RASSF10: variants seen among roughly 807,000 people sequenced by gnomAD.
RASSF10 encodes the protein Ras association domain family member 10, also known as ras association domain-containing protein 10.
RASSF10 carries 22 observed loss-of-function variants against 41.5 expected under a neutral mutation model. That is an observed-to-expected ratio of 0.53 (90% CI 0.38 to 0.76). The LOEUF is 0.76. RASSF10 is among the 30% of genes least tolerant of loss of function. The probability of loss-of-function intolerance (pLI) is 0.00; values close to 1 mark genes in which losing one functional copy is unlikely to be tolerated. For synonymous variants in RASSF10, 364 were observed against 319.0 expected (o/e 1.14, Z -1.50); for missense variants, 776 against 711.8 (o/e 1.09, Z -1.03).
chr11:13,011,037 G>C lies in RASSF10; in HGVS notation c.1461G>C (p.Thr487=). Residue 487 remains threonine (T), a synonymous_variant, in exon 1 of 1, where the codon ACG becomes ACC. Transcript: ENST00000529419. ...SGPGNDEDSD[T]GLSSMHSQDS... is the part of the protein sequence containing the mutation. ...CTGGCAACGACGAAGACTCGGATACGGGACTGAGCTCTATGCATAGCCAAG... is the reference window on the plus strand; with the variant it reads ...CTGGCAACGACGAAGACTCGGATACCGGACTGAGCTCTATGCATAGCCAAG... The C allele has an allele frequency of 6.2e-7, 1 of 1,610,964 alleles. No individual in the cohort carries two copies. The highest frequency in any genetic ancestry group is 1.1e-5 in the South Asian group (1 of 90,994).
At position 13,010,480 on chromosome 11, in the gene RASSF10, G is replaced by C; in HGVS notation, c.904G>C (p.Glu302Gln). The C allele has an allele frequency of 6.6e-7, 1 of 1,521,378 alleles. No homozygotes were observed. Among genetic ancestry groups the C allele is most frequent in the Non-Finnish European group, 8.8e-7 (1 of 1,133,596 alleles). 94.2% of individuals were successfully genotyped at this position (1,521,378 alleles called of 1,614,324 possible). ...EEPEEVAAEA[E>Q]EAAAAPPLAG... ...GCCAGAAGAGGTGGCGGCGGAGGCGGAGGAGGCGGCGGCGGCGCCCCCTCT... is the reference window on the plus strand; with the variant it reads ...GCCAGAAGAGGTGGCGGCGGAGGCGCAGGAGGCGGCGGCGGCGCCCCCTCT... Residue 302 changes from glutamate (E) to glutamine (Q), a missense_variant, in exon 1 of 1, where the codon GAG becomes CAG. Glu to Gln is a conservative substitution (Grantham distance 29, BLOSUM62 2). Transcript: ENST00000529419. This position sits in a 1 kb window ranked among gnomAD's most constrained non-coding sequence, Gnocchi z 4.8.
chr11:13,010,181 C>T lies in RASSF10; in HGVS notation c.605C>T (p.Thr202Ile), dbSNP rs1271869352. 1 of 1,592,940 alleles carries T rather than the reference C, an allele frequency of 6.3e-7. No homozygotes were observed. The highest frequency in any genetic ancestry group is 8.5e-7 in the Non-Finnish European group (1 of 1,171,474). ...CAGACACCGTCGTCCTGTTCGTCCA[C>T]TTCGTCGTCCACTGCCTCGTCCTGC... ...QQQTPSSCSS[T>I]SSSTASSCSS... is the part of the protein sequence containing the mutation. The change falls in exon 1 of 1, where the codon ACT (threonine) becomes ATT (isoleucine). Residue 202 changes from threonine (T) to isoleucine (I), a missense_variant. Physicochemically the swap from Thr to Ile is moderately conservative, Grantham distance 89. Coordinates refer to ENST00000529419, the MANE Select transcript of RASSF10 (RefSeq NM_001080521.3). The surrounding 1 kb of genome is among the most constrained non-coding windows in gnomAD (Gnocchi z 4.8).
rs1432944171 is a variant in RASSF10, at chr11:13,011,077, C to T, written c.1501C>T (p.Pro501Ser). 1 of 1,562,990 alleles carries T rather than the reference C, an allele frequency of 6.4e-7. No individual in the cohort carries two copies. Among genetic ancestry groups the T allele is most frequent in the Admixed American group, 1.8e-5 (1 of 55,536 alleles). Reference sequence around the variant, plus strand: ...GCATAGCCAAGACTCGGACTCCTTGCCCATGTGCGAATCCCTTGTGTAGGG... The same window carrying T: ...GCATAGCCAAGACTCGGACTCCTTGTCCATGTGCGAATCCCTTGTGTAGGG... ...SMHSQDSDSL[P>S]MCESLV Residue 501 changes from proline (P) to serine (S), a missense_variant, in exon 1 of 1, where the codon CCC (proline) becomes TCC (serine). Coordinates refer to ENST00000529419, the MANE Select transcript of RASSF10 (RefSeq NM_001080521.3).
Position 13,010,501 on chromosome 11 carries a change from C to T in RASSF10, c.925C>T (p.Pro309Ser), listed in dbSNP as rs763945544. 3.0e-5 allele frequency: 45 copies of T among 1,516,130 alleles called. No homozygotes were observed. The highest frequency in any genetic ancestry group is 3.7e-5 in the Non-Finnish European group (42 of 1,131,664). 93.9% of individuals were successfully genotyped at this position (1,516,130 alleles called of 1,614,324 possible). The change falls in exon 1 of 1, where the codon CCT becomes TCT. Residue 309 changes from proline (P) to serine (S), a missense_variant. Pro to Ser is a moderately conservative substitution (Grantham distance 74). Coordinates refer to ENST00000529419, the MANE Select transcript of RASSF10 (RefSeq NM_001080521.3). This position sits in a 1 kb window ranked among gnomAD's most constrained non-coding sequence, Gnocchi z 4.8. ...GGCGGAGGAGGCGGCGGCGGCGCCC[C>T]CTCTAGCCGGCGAGGCGCAGGCGGC... ...AEAEEAAAAP[P>S]LAGEAQAAAL...
chr11:13,009,328 G>C lies in RASSF10; in HGVS notation c.-249G>C. On this transcript the variant is annotated 5_prime_UTR_variant, in exon 1 of 1. Coordinates refer to ENST00000529419, the MANE Select transcript of RASSF10 (RefSeq NM_001080521.3). ...GGGCACCTTGGGCAGAGCCAGAGCG[G>C]CGGGAGCCGGTCCTGGGCGCGTTGC... 1.1e-6 allele frequency: 1 copy of C among 871,066 alleles called. No homozygotes were observed. Among genetic ancestry groups the C allele is most frequent in the Non-Finnish European group, 1.9e-6 (1 of 536,734 alleles). 54.0% of individuals were successfully genotyped at this position (871,066 alleles called of 1,614,324 possible). A position where few individuals can be genotyped will look rare whatever the true frequency, so the allele number is the denominator to read the frequency against.
rs572461023 is a variant in RASSF10, at chr11:13,010,013, G to C, written c.437G>C (p.Arg146Pro). Reference sequence around the variant, plus strand: ...GCCGGCCCCCGCAGCGCCGAGGCGCGCGTAGTGCTGAGCCGAGAGCGCCCC... The same window carrying C: ...GCCGGCCCCCGCAGCGCCGAGGCGCCCGTAGTGCTGAGCCGAGAGCGCCCC... ...PNAGPRSAEA[R>P]VVLSRERPCP... Residue 146 changes from arginine (R) to proline (P), a missense_variant, in exon 1 of 1, where the codon CGC (arginine) becomes CCC (proline). Physicochemically the swap from Arg to Pro is moderately radical, Grantham distance 103. Coordinates refer to ENST00000529419, the MANE Select transcript of RASSF10 (RefSeq NM_001080521.3). The surrounding 1 kb of genome is among the most constrained non-coding windows in gnomAD (Gnocchi z 4.8). The C allele has an allele frequency of 3.1e-5, 48 of 1,543,516 alleles. No individual in the cohort carries two copies. The highest frequency in any genetic ancestry group is 4.0e-5 in the Non-Finnish European group (46 of 1,142,968).
rs751663369 is a variant in RASSF10, at chr11:13,009,561, G to C, written c.-16G>C. On this transcript the variant is annotated 5_prime_UTR_variant, in exon 1 of 1. Coordinates refer to ENST00000529419, the MANE Select transcript of RASSF10 (RefSeq NM_001080521.3). Reference sequence around the variant, plus strand: ...CAGACCCCGGCCGGACCTGCCACCTGCGCCCTGGTTGCGCCATGGATCCTT... The same window carrying C: ...CAGACCCCGGCCGGACCTGCCACCTCCGCCCTGGTTGCGCCATGGATCCTT... 1.2e-6 allele frequency: 2 copies of C among 1,601,320 alleles called. No individual in the cohort carries two copies. Among genetic ancestry groups the C allele is most frequent in the African/African-American group, 1.3e-5 (1 of 74,572 alleles).
rs1165471241 is a variant in RASSF10 at position 13,011,576 on chromosome 11, G to A, written c.*476G>A. 1 of 153,724 alleles carries A rather than the reference G, an allele frequency of 6.5e-6. No homozygotes were observed. The highest frequency in any genetic ancestry group is 2.4e-5 in the African/African-American group (1 of 41,466). The allele number at this position is 153,724 out of a possible 1,614,324, so 9.5% of individuals were successfully genotyped here. A position where few individuals can be genotyped will look rare whatever the true frequency, so the allele number is the denominator to read the frequency against. On this transcript the variant is annotated 3_prime_UTR_variant, in exon 1 of 1. Coordinates refer to ENST00000529419, the MANE Select transcript of RASSF10 (RefSeq NM_001080521.3). ...AAACGTGTTAAAACTAGCCAAAGAGGACGCACTGGTGTCGGTCTCTGCCTT... is the reference window on the plus strand; with the variant it reads ...AAACGTGTTAAAACTAGCCAAAGAGAACGCACTGGTGTCGGTCTCTGCCTT...
At position 13,011,210 on chromosome 11, in the gene RASSF10, G is replaced by A; in HGVS notation, c.*110G>A. On this transcript the variant is annotated 3_prime_UTR_variant, in exon 1 of 1. Transcript: ENST00000529419. The stretch of plus-strand genomic sequence containing the variant: ...GAAACCAGGCTGTTGCGAGCCCAGA[G>A]CTCCGGCTGGGCAGCAGCGCTCTGC... 2.2e-6 allele frequency: 2 copies of A among 895,434 alleles called. No homozygotes were observed. Among genetic ancestry groups the A allele is most frequent in the South Asian group, 3.5e-5 (2 of 56,634 alleles). The allele number at this position is 895,434 out of a possible 1,614,324, so 55.5% of individuals were successfully genotyped here.
chr11:13,009,951 C>T lies in RASSF10; in HGVS notation c.375C>T (p.Arg125=). The change falls in exon 1 of 1, where the codon CGC becomes CGT. Residue 125 remains arginine, a synonymous_variant. Coordinates refer to ENST00000529419, the MANE Select transcript of RASSF10 (RefSeq NM_001080521.3). ...AAWGEEQENV[R]FVLVRSEASL... is the part of the protein sequence containing the mutation. Reference sequence around the variant, plus strand: ...GGGGCGAAGAGCAAGAGAATGTGCGCTTCGTGCTAGTGCGCAGCGAGGCAT... The same window carrying T: ...GGGGCGAAGAGCAAGAGAATGTGCGTTTCGTGCTAGTGCGCAGCGAGGCAT... 6.3e-7 allele frequency: 1 copy of T among 1,580,224 alleles called. No homozygotes were observed. The highest frequency in any genetic ancestry group is 8.6e-7 in the Non-Finnish European group (1 of 1,162,458).
rs1301653721 is a variant in RASSF10 at position 13,009,754 on chromosome 11, G to C, written c.178G>C (p.Gly60Arg). The stretch of plus-strand genomic sequence containing the variant: ...GCTGGGGTCGGCCGGCGACCCGCAT[G>C]GCCCGGGAGAGCTGCCCGAACCCCC... ...RRLGSAGDPH[G>R]PGELPEPPNE... The change falls in exon 1 of 1, where the codon GGC becomes CGC. Residue 60 changes from glycine (G) to arginine (R), a missense_variant. By Grantham distance (125) the Gly-to-Arg change is moderately radical (BLOSUM62 -2). Coordinates refer to ENST00000529419, the MANE Select transcript of RASSF10 (RefSeq NM_001080521.3). 1 of 1,591,998 alleles carries C rather than the reference G, an allele frequency of 6.3e-7. No individual in the cohort carries two copies. The highest frequency in any genetic ancestry group is 1.3e-5 in the African/African-American group (1 of 74,466).
Position 13,010,027 on chromosome 11 carries a change from C to G in RASSF10, c.451C>G (p.Arg151Gly), listed in dbSNP as rs1565016810. ...RSAEARVVLSRERPCPARGAP... is the reference protein window; with the variant it reads ...RSAEARVVLSGERPCPARGAP... ...CGCCGAGGCGCGCGTAGTGCTGAGC[C>G]GAGAGCGCCCCTGTCCGGCCCGCGG... Residue 151 changes from arginine (R) to glycine (G), a missense_variant, in exon 1 of 1, where the codon CGA becomes GGA. Transcript: ENST00000529419. The surrounding 1 kb of genome is among the most constrained non-coding windows in gnomAD (Gnocchi z 4.8). The G allele has an allele frequency of 1.9e-6, 3 of 1,544,596 alleles. No homozygotes were observed. The highest frequency in any genetic ancestry group is 2.6e-6 in the Non-Finnish European group (3 of 1,143,742).
In RASSF10 at chr11:13,011,019, C is replaced by T. The variant is rs1432685486; in HGVS notation, c.1443C>T (p.Asn481=). 2 of 1,612,112 alleles carry T rather than the reference C, an allele frequency of 1.2e-6. No homozygotes were observed. The highest frequency in any genetic ancestry group is 2.7e-5 in the African/African-American group (2 of 74,350). The change falls in exon 1 of 1, where the codon AAC becomes AAT. Residue 481 remains asparagine, a synonymous_variant. Transcript: ENST00000529419. ...GACTGGCCAAGAGCGGTCCTGGCAA[C>T]GACGAAGACTCGGATACGGGACTGA... ...ARGLAKSGPG[N]DEDSDTGLSS...
chr11:13,011,195 T>A lies in RASSF10; in HGVS notation c.*95T>A. On this transcript the variant is annotated 3_prime_UTR_variant, in exon 1 of 1. Coordinates refer to ENST00000529419, the MANE Select transcript of RASSF10 (RefSeq NM_001080521.3). The stretch of plus-strand genomic sequence containing the variant: ...CCGGCTCGCGGACTTGAAACCAGGC[T>A]GTTGCGAGCCCAGAGCTCCGGCTGG... 9.6e-7 allele frequency: 1 copy of A among 1,045,856 alleles called. No homozygotes were observed. The highest frequency in any genetic ancestry group is 1.4e-6 in the Non-Finnish European group (1 of 737,758). The allele number at this position is 1,045,856 out of a possible 1,614,324, so 64.8% of individuals were successfully genotyped here.
At position 13,009,962 on chromosome 11, in the gene RASSF10, T is replaced by C. The variant is rs371219653; in HGVS notation, c.386T>C (p.Val129Ala). The C allele has an allele frequency of 6.4e-7, 1 of 1,568,482 alleles. No individual in the cohort carries two copies. The highest frequency in any genetic ancestry group is 8.6e-7 in the Non-Finnish European group (1 of 1,156,240). ...CAAGAGAATGTGCGCTTCGTGCTAGTGCGCAGCGAGGCATCGCTGCCTAAC... is the reference window on the plus strand; with the variant it reads ...CAAGAGAATGTGCGCTTCGTGCTAGCGCGCAGCGAGGCATCGCTGCCTAAC... Reference protein sequence around the residue: ...EEQENVRFVLVRSEASLPNAG... With the variant: ...EEQENVRFVLARSEASLPNAG... The change falls in exon 1 of 1, where the codon GTG becomes GCG. Residue 129 changes from valine (V) to alanine (A), a missense_variant. By Grantham distance (64) the Val-to-Ala change is moderately conservative. Transcript: ENST00000529419.
In RASSF10 at chr11:13,010,333, A is replaced by C. The variant is rs200003759; in HGVS notation, c.757A>C (p.Ile253Leu). 1 of 1,551,408 alleles carries C rather than the reference A, an allele frequency of 6.4e-7. No homozygotes were observed. Among genetic ancestry groups the C allele is most frequent in the Non-Finnish European group, 8.7e-7 (1 of 1,147,100 alleles). Residue 253 changes from isoleucine (I) to leucine (L), a missense_variant, in exon 1 of 1, where the codon ATC becomes CTC. Physicochemically the swap from Ile to Leu is conservative, Grantham distance 5 (BLOSUM62 2). Transcript: ENST00000529419. This position sits in a 1 kb window ranked among gnomAD's most constrained non-coding sequence, Gnocchi z 4.8. Reference sequence around the variant, plus strand: ...GCGGCTCCACGAGCTGGACCGCGAGATCGATCACTACGAGGCCAAGGTGCA... The same window carrying C: ...GCGGCTCCACGAGCTGGACCGCGAGCTCGATCACTACGAGGCCAAGGTGCA... ...VQRLHELDRE[I>L]DHYEAKVHLD...
rs765428146 is a variant in RASSF10 at position 13,010,345 on chromosome 11, G to T, written c.769G>T (p.Glu257Ter). Residue 257 changes from glutamate (E) to a stop codon, truncating the protein, a stop_gained, in exon 1 of 1, where the codon GAG (glutamate) becomes TAG (stop). Transcript: ENST00000529419. LOFTEE classifies it high-confidence loss of function. The surrounding 1 kb of genome is among the most constrained non-coding windows in gnomAD (Gnocchi z 4.8). ...GCTGGACCGCGAGATCGATCACTAC[G>T]AGGCCAAGGTGCACCTGGACCGCAT... ...HELDREIDHY[E>*]AKVHLDRMRR... is the part of the protein sequence containing the mutation. 1 of 1,551,468 alleles carries T rather than the reference G, an allele frequency of 6.4e-7. No individual in the cohort carries two copies. The highest frequency in any genetic ancestry group is 1.4e-5 in the African/African-American group (1 of 73,180).
chr11:13,011,081 T>C lies in RASSF10; in HGVS notation c.1505T>C (p.Met502Thr), dbSNP rs767029178. 7.8e-7 allele frequency: 1 copy of C among 1,280,932 alleles called. No individual in the cohort carries two copies. The allele number at this position is 1,280,932 out of a possible 1,614,324, so 79.3% of individuals were successfully genotyped here. ...AGCCAAGACTCGGACTCCTTGCCCA[T>C]GTGCGAATCCCTTGTGTAGGGGTGG... ...MHSQDSDSLP[M>T]CESLV The change falls in exon 1 of 1, where the codon ATG (methionine) becomes ACG (threonine). Residue 502 changes from methionine to threonine, a missense_variant. Coordinates refer to ENST00000529419, the MANE Select transcript of RASSF10 (RefSeq NM_001080521.3).
At position 13,009,409 on chromosome 11, in the gene RASSF10, A is replaced by G. The variant is rs1203051344; in HGVS notation, c.-168A>G. 1 of 1,438,504 alleles carries G rather than the reference A, an allele frequency of 7.0e-7. No individual in the cohort carries two copies. Among genetic ancestry groups the G allele is most frequent in the Admixed American group, 2.2e-5 (1 of 44,764 alleles). The allele number at this position is 1,438,504 out of a possible 1,614,324, so 89.1% of individuals were successfully genotyped here. ...CAGCCGCAACCGCGACCACAGCCGC[A>G]GTCGCTTTCCAGCCTGCCTTCGGTG... On this transcript the variant is annotated 5_prime_UTR_variant, in exon 1 of 1. Coordinates refer to ENST00000529419, the MANE Select transcript of RASSF10 (RefSeq NM_001080521.3).
Sources: gnomAD v4.1 joint callset for allele counts on GRCh38, gnomAD v4.1.1 for gene constraint, Gnocchi (gnomAD v3.1) non-coding constraint, MANE v1.5 for transcripts, NCBI Gene and HGNC (gene_info 2026-07-23, HGNC 2026-07-21) for gene names.